The following CDH13 variants were observed in gnomAD, a reference collection of about 807,000 sequenced individuals.
CDH13 encodes cadherin-13.
In CDH13, 24 loss-of-function variants were observed where a neutral mutation model predicts 63.8. The observed-to-expected ratio is 0.38, with a 90% confidence interval of 0.27 to 0.53. The LOEUF is 0.53. CDH13 is among the 20% of genes least tolerant of loss of function. The pLI, the probability that CDH13 is intolerant of heterozygous loss-of-function variation, is 0.85. For missense variants in CDH13, 1,049 were observed against 903.1 expected (o/e 1.16, Z -2.07); for synonymous variants, 503 against 355.3 (o/e 1.42, Z -4.67).
At chr16:82,779,878 C>T (rs1389905325) in intron 1 of CDH13, among the ~76,000 whole-genome samples, 1 of 152,054 alleles carries the variant, frequency 6.6e-6, no homozygotes. Flanking sequence ...CACGAGGTAA[C>T]TTTGACAACC....
chr16:82,802,791 A>G (rs1445818419), intron 1 of CDH13, among the ~76,000 whole-genome samples: 1 of 152,200 alleles, frequency 6.6e-6, no homozygotes, highest in East Asian at 1.9e-4. Flanking sequence ...TCCCTCTTCA[A>G]GCTGCCAGGA....
intron 1 of CDH13, among the ~76,000 whole-genome samples, chr16:82,771,093 A>G (rs944679352): frequency 1.3e-5 from 2 of 152,196 alleles, no homozygotes; most frequent in African/African-American, 2.4e-5. Context: ...TTGTTTGACT[A>G]TACTTCATAA....
At chr16:83,266,926 C>T (rs1907692368) in intron 5 of CDH13, among the ~76,000 whole-genome samples, 1 of 152,182 alleles carries the variant, frequency 6.6e-6, no homozygotes, top group Admixed American at 6.5e-5. Context: ...CTCAGCTGAG[C>T]CCTCAGCCTA....
In CDH13 at chr16:82,905,882, T is replaced by C. The variant is rs867022653; in HGVS notation, c.157+47409T>C. Among the ~76,000 whole-genome samples the C allele has an allele frequency of 3.3e-5, 5 of 152,332 alleles. 1 individual carries two copies. Among genetic ancestry groups the C allele is most frequent in the Non-Finnish European group, 2.9e-5 (2 of 68,034 alleles). On this transcript the variant is annotated intron_variant, in intron 2 of 13. Transcript: ENST00000567109. ...CACACATGGCTACTGGCTACAGCAT[T>C]GTACAGTGTGGCAAAAGTTTCTCTC...
intron 1 of CDH13, among the ~76,000 whole-genome samples, chr16:82,767,972 G>A (rs1037172489): frequency 6.6e-6 from 1 of 152,174 alleles, no homozygotes; most frequent in Non-Finnish European, 1.5e-5. Context: ...GAAACGAAGA[G>A]TGAGGAGTGA....
At chr16:83,522,249 C>T (rs1019513287) in intron 7 of CDH13, among the ~76,000 whole-genome samples, 2 of 152,192 alleles carry the variant, frequency 1.3e-5, no homozygotes, top group East Asian at 1.9e-4. Context: ...ACAGCTGCTT[C>T]GGGTCCATTA....
chr16:83,268,346 C>T (rs552779962), intron 5 of CDH13, among the ~76,000 whole-genome samples: 1 of 152,310 alleles, frequency 6.6e-6, no homozygotes, highest in South Asian at 2.1e-4. Context: ...CCTGAGGGAT[C>T]TGGCACATCC....
intron 7 of CDH13, among the ~76,000 whole-genome samples, chr16:83,510,298 T>C (rs1018171283): frequency 1.3e-5 from 2 of 152,182 alleles, no homozygotes; most frequent in Non-Finnish European, 2.9e-5. Flanking sequence ...AGCACAGATC[T>C]TAGAATGTAA....
chr16:83,097,341 A>G (rs1006061829), intron 3 of CDH13, among the ~76,000 whole-genome samples: 30 of 152,182 alleles, frequency 2.0e-4, no homozygotes, highest in African/African-American at 7.0e-4. Flanking sequence ...GTATTCCTTA[A>G]AAAGACCTAA....
intron 11 of CDH13, among the ~76,000 whole-genome samples, chr16:83,774,938 T>G (rs965755011): frequency 6.7e-6 from 1 of 149,414 alleles, no homozygotes; most frequent in African/African-American, 2.4e-5. Context: ...ATTGTCAATT[T>G]TATGTTATGT....
chr16:82,659,481 C>G (rs978664987), intron 1 of CDH13, among the ~76,000 whole-genome samples: 2 of 152,252 alleles, frequency 1.3e-5, no homozygotes, highest in Admixed American at 6.5e-5. Flanking sequence ...AGTCCATTCT[C>G]AAATGGAAAT....
chr16:82,989,458 A>G (rs1256334080), intron 2 of CDH13, among the ~76,000 whole-genome samples: 1 of 152,186 alleles, frequency 6.6e-6, no homozygotes, highest in Non-Finnish European at 1.5e-5. Context: ...GAATATCAGG[A>G]TCCTATAAAC....
chr16:83,694,329 T>C (rs1469632705), intron 10 of CDH13, among the ~76,000 whole-genome samples: 1 of 152,212 alleles, frequency 6.6e-6, no homozygotes, highest in Non-Finnish European at 1.5e-5. Context: ...CTACTCCTGC[T>C]GCAGTGGGAG....
intron 6 of CDH13, among the ~76,000 whole-genome samples, chr16:83,412,760 A>G (rs1156266175): frequency 6.6e-6 from 1 of 152,244 alleles, no homozygotes; most frequent in Admixed American, 6.5e-5. Flanking sequence ...AGACCCAGTG[A>G]AAGTGGAACA....
At chr16:83,249,561 C>G (rs552577775) in intron 5 of CDH13, among the ~76,000 whole-genome samples, 1 of 152,216 alleles carries the variant, frequency 6.6e-6, no homozygotes, top group East Asian at 1.9e-4. Flanking sequence ...TGCCATCATT[C>G]TATCTGTTTT....
intron 5 of CDH13, among the ~76,000 whole-genome samples, chr16:83,316,191 C>T (rs2090101256): frequency 6.6e-6 from 1 of 152,150 alleles, no homozygotes; most frequent in Non-Finnish European, 1.5e-5. Context: ...GAACCACCCC[C>T]ATGATCTGAT....
intron 2 of CDH13, among the ~76,000 whole-genome samples, chr16:83,010,883 G>A (rs1412281540): frequency 2.0e-5 from 3 of 152,140 alleles, no homozygotes; most frequent in Non-Finnish European, 4.4e-5. Context: ...CATTCTTTAA[G>A]GCGAAACTTA....
At chr16:82,885,709 G>C (rs1214705491) in intron 2 of CDH13, among the ~76,000 whole-genome samples, 1 of 152,118 alleles carries the variant, frequency 6.6e-6, no homozygotes, top group African/African-American at 2.4e-5. Context: ...ACAAGCACAA[G>C]ATCTTCAGTG....
intron 8 of CDH13, among the ~76,000 whole-genome samples, chr16:83,629,412 A>G (rs903040627): frequency 6.6e-6 from 1 of 152,220 alleles, no homozygotes; most frequent in Non-Finnish European, 1.5e-5. Context: ...TTTCCCTCCA[A>G]TTCAGAAAGC....
Sources: gnomAD v4.1 joint callset for allele counts (sites outside exome capture counted in the v4.1 genomes callset) on GRCh38, gnomAD v4.1.1 for gene constraint, MANE v1.5 for transcripts, NCBI Gene and HGNC (gene_info 2026-07-23, HGNC 2026-07-21) for gene names.